Variants in LHCGR observed in about 807,000 individuals in gnomAD.
The protein encoded by LHCGR is luteinizing hormone/choriogonadotropin receptor.
A neutral mutation model predicts 60.7 loss-of-function variants in LHCGR; 55 were observed. The observed-to-expected ratio is 0.91, with a 90% CI of 0.73 to 1.13. The LOEUF is 1.13. Among genes scored for constraint, LHCGR ranks in the 50% most tolerant of loss-of-function variants. The pLI, the probability that LHCGR is intolerant of heterozygous loss-of-function variation, is 0.00. For missense variants in LHCGR, 862 were observed against 836.0 expected, an observed-to-expected ratio of 1.03 and a Z score of -0.38; for synonymous variants, 337 against 316.5, an observed-to-expected ratio of 1.06 and a Z score of -0.69.
chr2:48,733,210 T>A, intron 1 of LHCGR: 1 of 272,300 alleles, frequency 3.7e-6, no homozygotes, highest in Non-Finnish European at 7.3e-6. Context: ...TTGGAGAGTG[T>A]TTACATAAAA....
At chr2:48,701,015 A>G (rs968570851) in intron 8 of LHCGR, among the ~76,000 whole-genome samples, 6 of 152,164 alleles carry the variant, frequency 3.9e-5, no homozygotes, top group African/African-American at 1.4e-4. Flanking sequence ...TGAAGTCAGG[A>G]GTTGACAGTG....
At chr2:48,729,385 C>T (rs1227662121) in intron 2 of LHCGR, among the ~76,000 whole-genome samples, 158 bp from the exon 3 acceptor site, 1 of 152,222 alleles carries the variant, frequency 6.6e-6, no homozygotes, top group African/African-American at 2.4e-5. Flanking sequence ...TCATACAGTG[C>T]TAACATCTCC....
chr2:48,697,617 T>C (rs1667181327), intron 9 of LHCGR, among the ~76,000 whole-genome samples: 1 of 152,240 alleles, frequency 6.6e-6, no homozygotes, highest in Non-Finnish European at 1.5e-5. Context: ...ACTGGTTGAT[T>C]AATTATAAAT....
chr2:48,689,892 T>G (rs567712531), intron 10 of LHCGR, among the ~76,000 whole-genome samples: 3 of 152,152 alleles, frequency 2.0e-5, no homozygotes, highest in Non-Finnish European at 4.4e-5. Context: ...TTTTTTGCAT[T>G]TTTAGTAGAA....
At chr2:48,707,150 C>T (rs868129479) in intron 8 of LHCGR, among the ~76,000 whole-genome samples, 9 of 152,324 alleles carry the variant, frequency 5.9e-5, no homozygotes, top group Middle Eastern at 6.8e-3. Flanking sequence ...CAGTCAGGCC[C>T]GTCAGCTGCA....
At chr2:48,737,868 T>A (rs1394114270) in intron 1 of LHCGR, among the ~76,000 whole-genome samples, 1 of 152,236 alleles carries the variant, frequency 6.6e-6, no homozygotes, top group Non-Finnish European at 1.5e-5. Flanking sequence ...GTCCAACCCC[T>A]CACTTTACAG....
chr2:48,721,462 A>G (rs1219494743), intron 6 of LHCGR: 1 of 272,380 alleles, frequency 3.7e-6, no homozygotes, highest in Non-Finnish European at 7.3e-6. Flanking sequence ...AGTATGGGTT[A>G]TTTTTGAAAT....
Position 48,721,416 on chromosome 2 carries a change from A to G in LHCGR, c.536+2040T>C, listed in dbSNP as rs373517006. The G allele has an allele frequency of 4.8e-5, 12 of 248,226 alleles. No homozygotes were observed. The South Asian group carries it at 5.6e-4, about 12-fold the overall frequency. The allele number at this position is 248,226 out of a possible 1,614,324, so 15.4% of individuals were successfully genotyped here. A position where few individuals can be genotyped will look rare whatever the true frequency, so the allele number is the denominator to read the frequency against. ...TGAGAAATATTTCTAGGATCAACAG[A>G]ATCTCTTTCCTGGTGTTTGAGAGTT... On this transcript the variant is annotated intron_variant, in intron 6 of 10. Coordinates refer to ENST00000294954, the MANE Select transcript of LHCGR (RefSeq NM_000233.4).
intron 3 of LHCGR, among the ~76,000 whole-genome samples, chr2:48,726,057 G>C (rs1558867298): frequency 6.6e-6 from 1 of 152,048 alleles, no homozygotes; most frequent in Non-Finnish European, 1.5e-5. Context: ...GACATCCAGG[G>C]CTCCTGGCCA....
rs1431751529 is a variant in LHCGR, at chr2:48,687,929, T to G, written c.1868A>C (p.Tyr623Ser). 1.1e-5 allele frequency: 18 copies of G among 1,613,968 alleles called. No homozygotes were observed. The highest frequency in any genetic ancestry group is 1.4e-5 in the Non-Finnish European group (17 of 1,179,968). ...PINSCANPFL[Y>S]AIFTKTFQRD... is the part of the protein sequence containing the mutation. ...TTGGAATGTCTTAGTGAATATTGCA[T>G]ACAGAAATGGATTGGCACAAGAATT... is the stretch of plus-strand genomic sequence containing the variant. The change falls in exon 11 of 11, where the codon TAT becomes TCT. Residue 623 changes from tyrosine (Y) to serine (S), a missense_variant. Tyr to Ser is a moderately radical substitution (Grantham distance 144). Transcript: ENST00000294954.
chr2:48,691,184 C>T (rs1043693528), intron 10 of LHCGR, among the ~76,000 whole-genome samples: 6 of 152,090 alleles, frequency 3.9e-5, no homozygotes, highest in Non-Finnish European at 7.4e-5. Context: ...TTATTAAAAG[C>T]ATATTTTTCT....
At chr2:48,731,509 G>A (rs780595134) in intron 1 of LHCGR, among the ~76,000 whole-genome samples, 14 of 152,056 alleles carry the variant, frequency 9.2e-5, no homozygotes, top group Non-Finnish European at 1.6e-4. Flanking sequence ...ATAATTTTGC[G>A]GTTAAGACTG....
At chr2:48,739,890 C>T (rs915042688) in intron 1 of LHCGR, among the ~76,000 whole-genome samples, 11 of 152,202 alleles carry the variant, frequency 7.2e-5, no homozygotes, top group Middle Eastern at 3.2e-3. Context: ...GCGTGAGCAA[C>T]GCAGAAGATG....
At chr2:48,718,966 T>G (rs1668379578) in intron 6 of LHCGR, among the ~76,000 whole-genome samples, 1 of 152,220 alleles carries the variant, frequency 6.6e-6, no homozygotes, top group South Asian at 2.1e-4. Context: ...TCATGTCAAC[T>G]TATATGTCTT....
At chr2:48,716,910 C>A (rs1476173404) in intron 6 of LHCGR, among the ~76,000 whole-genome samples, 1 of 152,298 alleles carries the variant, frequency 6.6e-6, no homozygotes, top group East Asian at 1.9e-4. Context: ...CAGACTCAGA[C>A]CTATTAAATC....
chr2:48,709,164 G>A lies in LHCGR; in HGVS notation c.606-142C>T, dbSNP rs1231367439. 2.5e-5 allele frequency: 18 copies of A among 717,702 alleles called. No homozygotes were observed. The East Asian group carries it at 4.7e-4, about 19-fold the overall frequency. The allele number at this position is 717,702 out of a possible 1,614,324, so 44.5% of individuals were successfully genotyped here. On this transcript the variant is annotated intron_variant, in intron 7 of 10. Coordinates refer to ENST00000294954, the MANE Select transcript of LHCGR (RefSeq NM_000233.4). ...AAAAAGGGTAAGTGGAGGGAAAGTG[G>A]GAAAAAGACAAGCTAGTTCTTAATG...
chr2:48,714,651 T>TA (rs1235301669), intron 6 of LHCGR, among the ~76,000 whole-genome samples: 4 of 152,026 alleles, frequency 2.6e-5, no homozygotes, highest in Non-Finnish European at 4.4e-5. Context: ...ATAGAAAAAA[T>TA]AAAAAGTATT....
chr2:48,721,427 T>C (rs913593180), intron 6 of LHCGR: 3 of 253,194 alleles, frequency 1.2e-5, no homozygotes, highest in African/African-American at 6.7e-5. Context: ...ATCTCTTTCC[T>C]GGTGTTTGAG....
chr2:48,738,061 C>G (rs374280234), intron 1 of LHCGR, among the ~76,000 whole-genome samples: 5 of 152,292 alleles, frequency 3.3e-5, no homozygotes, highest in Admixed American at 6.5e-5. Context: ...TGATCCTCTG[C>G]TTTTTGTGTG....
Sources: allele counts gnomAD v4.1 joint callset (sites outside exome capture counted in the v4.1 genomes callset), GRCh38; gene constraint gnomAD v4.1.1; transcripts MANE v1.5; gene names NCBI Gene and HGNC (gene_info 2026-07-23, HGNC 2026-07-21).